The following LRRFIP1 variants were observed in gnomAD, a reference collection of about 807,000 sequenced individuals.
The protein encoded by LRRFIP1 is leucine-rich repeat flightless-interacting protein 1.
Under a neutral mutation model 104.4 loss-of-function variants are expected in LRRFIP1, and 62 were observed. The ratio of observed to expected loss-of-function variants is 0.59; its 90% CI spans 0.48 to 0.73. The LOEUF (loss-of-function observed/expected upper bound fraction) is 0.73, where lower values mean the gene tolerates loss of function less well. LRRFIP1 is among the 30% of genes least tolerant of loss of function. The pLI, the probability that LRRFIP1 is intolerant of heterozygous loss-of-function variation, is 0.00. For missense variants in LRRFIP1, 796 were observed against 824.5 expected, an observed-to-expected ratio of 0.97 and a Z score of 0.42; for synonymous variants, 300 against 299.0, an observed-to-expected ratio of 1.00 and a Z score of -0.03.
chr2:237,674,792 T>C (rs570209461), intron 1 of LRRFIP1, among the ~76,000 whole-genome samples: 15 of 152,388 alleles, frequency 9.8e-5, no homozygotes, highest in Admixed American at 2.0e-4. Context: ...TCTCCGTCAC[T>C]TTCGGGTTGT....
intron 19 of LRRFIP1, chr2:237,769,354 C>CGT (rs2060439417): frequency 6.6e-6 from 1 of 152,544 alleles, no homozygotes; most frequent in African/African-American, 2.4e-5. Context: ...CCTTATATAT[C>CGT]GGGTCCAGGA....
At chr2:237,750,204 AAC>A in intron 13 of LRRFIP1, among the ~76,000 whole-genome samples, 2 of 152,230 alleles carry the variant, frequency 1.3e-5, no homozygotes, top group East Asian at 3.9e-4. Context: ...AGATGCTTCC[AAC>A]ACCTATGTTT....
intron 1 of LRRFIP1, among the ~76,000 whole-genome samples, chr2:237,708,313 A>C (rs1168123995): frequency 2.6e-5 from 4 of 152,238 alleles, no homozygotes; most frequent in Non-Finnish European, 5.9e-5. Flanking sequence ...ATATCCATAA[A>C]GCTCTTAGAA....
chr2:237,644,445 G>A (rs570318427), intron 1 of LRRFIP1, among the ~76,000 whole-genome samples: 7 of 152,296 alleles, frequency 4.6e-5, no homozygotes, highest in Non-Finnish European at 1.5e-5. Context: ...TCACCTAAGC[G>A]CCATGCTCCT....
intron 8 of LRRFIP1, among the ~76,000 whole-genome samples, chr2:237,732,183 T>G (rs1375071839): frequency 9.2e-5 from 14 of 152,230 alleles, no homozygotes; most frequent in Admixed American, 9.2e-4. Flanking sequence ...CTGACCCTCG[T>G]TCTCTCCCTC....
intron 15 of LRRFIP1, among the ~76,000 whole-genome samples, chr2:237,754,235 T>G (rs2059002911): frequency 6.6e-6 from 1 of 150,906 alleles, no homozygotes; most frequent in Admixed American, 6.6e-5. Context: ...TTAAGAAAAT[T>G]ATATTATTTT....
chr2:237,762,537 A>C, intron 19 of LRRFIP1: 1 of 1,293,402 alleles, frequency 7.7e-7, no homozygotes, highest in Admixed American at 2.3e-5. Flanking sequence ...GTGTGTTTAC[A>C]TTCTAATGTA....
chr2:237,770,410 T>C (rs1326070717), intron 20 of LRRFIP1: 2 of 174,300 alleles, frequency 1.1e-5, no homozygotes, highest in African/African-American at 2.4e-5. Flanking sequence ...GTACTCTTGG[T>C]GATCAGCACC....
intron 7 of LRRFIP1, 105 bp from the exon 8 acceptor site, chr2:237,727,771 A>C: frequency 1.3e-6 from 1 of 793,210 alleles, no homozygotes; most frequent in Non-Finnish European, 2.1e-6. Context: ...CATCCGCTCC[A>C]CAAGAAAGGT....
In LRRFIP1 at chr2:237,661,674, C is replaced by G. The variant is rs752146212; in HGVS notation, c.96+33934C>G. On this transcript the variant is annotated intron_variant, in intron 1 of 23. Transcript: ENST00000308482. This position sits in a 1 kb window ranked among gnomAD's most constrained non-coding sequence, Gnocchi z 4.4. ...CAGAGCCATGCACGTTCCGAAAGCA[C>G]ATTCCAGGGGGACAGTTGTGTCCCT... is the stretch of plus-strand genomic sequence containing the variant. Among the ~76,000 whole-genome samples the G allele has an allele frequency of 6.6e-6, 1 of 152,232 alleles. No individual in the cohort carries two copies. Among genetic ancestry groups the G allele is most frequent in the Non-Finnish European group, 1.5e-5 (1 of 68,036 alleles).
chr2:237,760,222 C>T lies in LRRFIP1; in HGVS notation c.1459+17C>T. Reference sequence around the variant, plus strand: ...GGACCCTAGGTAAGTATTTGCTTTCCTTCGGCTCCTCACACCTTTCCACTC... The same window carrying T: ...GGACCCTAGGTAAGTATTTGCTTTCTTTCGGCTCCTCACACCTTTCCACTC... On this transcript the variant is annotated intron_variant, in intron 19 of 23. Coordinates refer to ENST00000308482, the MANE Select transcript of LRRFIP1 (RefSeq NM_001137550.2). 6.2e-7 allele frequency: 1 copy of T among 1,613,280 alleles called. No individual in the cohort carries two copies. Among genetic ancestry groups the T allele is most frequent in the Non-Finnish European group, 8.5e-7 (1 of 1,179,522 alleles).
intron 6 of LRRFIP1, 107 bp downstream of exon 6, chr2:237,720,929 T>C: frequency 2.1e-6 from 2 of 961,612 alleles, no homozygotes; most frequent in Non-Finnish European, 3.4e-6. Flanking sequence ...CGTGGTCTGA[T>C]AGTCAATATT....
intron 11 of LRRFIP1, among the ~76,000 whole-genome samples, chr2:237,744,639 G>A (rs2057560292): frequency 6.6e-6 from 1 of 152,268 alleles, no homozygotes; most frequent in Non-Finnish European, 1.5e-5. Context: ...ACGTGTTTTA[G>A]AAGTGACTGT....
rs1006117138 is a variant in LRRFIP1, at chr2:237,691,934, G to T, written c.97-16610G>T. 1.3e-5 allele frequency among the ~76,000 whole-genome samples: 2 copies of T among 149,120 alleles called. No individual in the cohort carries two copies. Among genetic ancestry groups the T allele is most frequent in the African/African-American group, 5.0e-5 (2 of 40,228 alleles). On this transcript the variant is annotated intron_variant, in intron 1 of 23. Coordinates refer to ENST00000308482, the MANE Select transcript of LRRFIP1 (RefSeq NM_001137550.2). This position sits in a 1 kb window ranked among gnomAD's most constrained non-coding sequence, Gnocchi z 5.4. Reference sequence around the variant, plus strand: ...GGGCGGGGCGGGGCTCGCGTTAAGGGAGCGCGGAAGGGCGGGACAGGCCGT... The same window carrying T: ...GGGCGGGGCGGGGCTCGCGTTAAGGTAGCGCGGAAGGGCGGGACAGGCCGT...
rs2057180364 is a variant in LRRFIP1, at chr2:237,742,127, C to G, written c.633+2818C>G. Among the ~76,000 whole-genome samples the G allele has an allele frequency of 3.9e-5, 6 of 152,200 alleles. No homozygotes were observed. In the South Asian group the frequency reaches 1.2e-3, roughly 31 times the overall value. On this transcript the variant is annotated intron_variant, in intron 11 of 23. Transcript: ENST00000308482. ...ACTGAAATGATACAAATTCCTTTGTCATGTGTTTTCTAAATTTGTATAAAA... is the reference window on the plus strand; with the variant it reads ...ACTGAAATGATACAAATTCCTTTGTGATGTGTTTTCTAAATTTGTATAAAA...
chr2:237,750,419 C>T (rs2058472994), intron 13 of LRRFIP1, among the ~76,000 whole-genome samples: 1 of 147,504 alleles, frequency 6.8e-6, no homozygotes, highest in Admixed American at 6.9e-5. Context: ...TCACTGCAAC[C>T]TCCACCTCCC....
intron 10 of LRRFIP1, among the ~76,000 whole-genome samples, chr2:237,736,957 G>A (rs2095268584): frequency 6.6e-6 from 1 of 152,216 alleles, no homozygotes; most frequent in African/African-American, 2.4e-5. Context: ...GGTCCAGCGT[G>A]TAGGGAGGTT....
intron 19 of LRRFIP1, chr2:237,765,203 C>G: frequency 6.2e-6 from 1 of 160,656 alleles, no homozygotes; most frequent in Non-Finnish European, 1.3e-5. Context: ...GCAGAGATTG[C>G]AGTGAGCCAA....
chr2:237,664,309 T>C (rs949025049), intron 1 of LRRFIP1, among the ~76,000 whole-genome samples: 1 of 152,268 alleles, frequency 6.6e-6, no homozygotes, highest in African/African-American at 2.4e-5. Flanking sequence ...TGCGTTTCCA[T>C]CCGCAGGTGC....
Sources: allele counts gnomAD v4.1 joint callset (sites outside exome capture counted in the v4.1 genomes callset), GRCh38; gene constraint gnomAD v4.1.1; non-coding constraint Gnocchi (gnomAD v3.1); transcripts MANE v1.5; gene names NCBI Gene and HGNC (gene_info 2026-07-23, HGNC 2026-07-21).